Variants in HDAC9 observed in about 807,000 individuals in gnomAD.
HDAC9 encodes the protein MEF-2 interacting transcription repressor (MITR) protein.
Under a neutral mutation model 139.4 loss-of-function variants are expected in HDAC9, and 41 were observed. The ratio of observed to expected loss-of-function variants is 0.29; its 90% CI spans 0.23 to 0.38. HDAC9 has a LOEUF of 0.38. HDAC9 is among the 10% of genes least tolerant of loss of function. The pLI is 1.00. For missense variants in HDAC9, 1,147 were observed against 1,297.0 expected (o/e 0.88, Z 1.78); for synonymous variants, 517 against 476.2 (o/e 1.09, Z -1.12).
intron 2 of HDAC9, among the ~76,000 whole-genome samples, chr7:18,259,079 C>T (rs1198930037): frequency 6.7e-6 from 1 of 150,120 alleles, no homozygotes; most frequent in Non-Finnish European, 1.5e-5. Flanking sequence ...AAGCACTTCT[C>T]CTGCCTCAGC....
chr7:18,239,561 T>C (rs1196981962), intron 2 of HDAC9, among the ~76,000 whole-genome samples: 1 of 152,208 alleles, frequency 6.6e-6, no homozygotes, highest in Non-Finnish European at 1.5e-5. Context: ...ATCAGCGTCA[T>C]TGACAACTGC....
chr7:18,977,919 G>GACAGACACAC (rs1422767293), intron 25 of HDAC9, among the ~76,000 whole-genome samples: 23 of 141,034 alleles, frequency 1.6e-4, no homozygotes, highest in African/African-American at 5.9e-4. Context: ...CAGACAGACA[G>GACAGACACAC]ACACACACAC....
intron 1 of HDAC9, among the ~76,000 whole-genome samples, chr7:18,481,957 T>A (rs1795585699): frequency 6.6e-6 from 1 of 152,142 alleles, no homozygotes; most frequent in Non-Finnish European, 1.5e-5. Context: ...TAGCTGTGTC[T>A]GTAATGGCCT....
At chr7:18,934,855 C>T (rs1201772431) in intron 22 of HDAC9, among the ~76,000 whole-genome samples, 9 of 152,088 alleles carry the variant, frequency 5.9e-5, no homozygotes, top group African/African-American at 1.2e-4. Context: ...ATGTTCATGG[C>T]GACGTTATTT....
At chr7:18,521,473 C>T (rs1805010402) in intron 2 of HDAC9, among the ~76,000 whole-genome samples, 1 of 152,138 alleles carries the variant, frequency 6.6e-6, no homozygotes, top group African/African-American at 2.4e-5. Flanking sequence ...GTCCAGTCGT[C>T]CATCTATTTG....
At chr7:18,266,525 A>G (rs1253041478) in intron 2 of HDAC9, among the ~76,000 whole-genome samples, 1 of 152,168 alleles carries the variant, frequency 6.6e-6, no homozygotes, top group Non-Finnish European at 1.5e-5. Flanking sequence ...GGAAGGCTTT[A>G]TGTGCACGTC....
At chr7:18,677,657 A>G (rs973750341) in intron 12 of HDAC9, among the ~76,000 whole-genome samples, 17 of 151,932 alleles carry the variant, frequency 1.1e-4, no homozygotes, top group African/African-American at 4.1e-4. Context: ...GGTTTTTCTA[A>G]CTGTATGCAG....
chr7:18,133,959 T>C (rs1461727869), intron 1 of HDAC9, among the ~76,000 whole-genome samples: 3 of 133,698 alleles, frequency 2.2e-5, no homozygotes, highest in African/African-American at 1.0e-4. Context: ...CACACACACA[T>C]CTCTAGCCTT....
rs1005166368 is a variant in HDAC9, at chr7:18,143,471, A to G, written c.-96-18758A>G. Among the ~76,000 whole-genome samples the G allele has an allele frequency of 3.9e-5, 6 of 152,294 alleles. No homozygotes were observed. The East Asian group carries it at 9.7e-4, about 25-fold the overall frequency. On this transcript the variant is annotated intron_variant, in intron 1 of 12. Transcript: ENST00000417496. ...CCATGTCATGTTTTTAAGTATGTAA[A>G]TAAGATGAATTGCTGCTATGATCAA... is the stretch of plus-strand genomic sequence containing the variant.
At chr7:18,295,079 A>C (rs537301531) in intron 1 of HDAC9, among the ~76,000 whole-genome samples, 1 of 152,252 alleles carries the variant, frequency 6.6e-6, no homozygotes, top group East Asian at 1.9e-4. Flanking sequence ...AGTAGGCATA[A>C]GATGTCATGT....
At chr7:18,234,311 G>T (rs1438508338) in intron 2 of HDAC9, among the ~76,000 whole-genome samples, 1 of 152,162 alleles carries the variant, frequency 6.6e-6, no homozygotes, top group African/African-American at 2.4e-5. Context: ...ACAGTAAAAA[G>T]CAGTGACTGA....
chr7:18,857,946 T>C (rs753849672), intron 21 of HDAC9, among the ~76,000 whole-genome samples: 4 of 152,170 alleles, frequency 2.6e-5, no homozygotes, highest in Non-Finnish European at 4.4e-5. Flanking sequence ...AATATGAGGG[T>C]ACAGTACTGA....
chr7:18,538,177 C>G (rs1416145121), intron 2 of HDAC9, among the ~76,000 whole-genome samples: 2 of 152,206 alleles, frequency 1.3e-5, no homozygotes, highest in Non-Finnish European at 2.9e-5. Context: ...AACTTACATT[C>G]TCCCGTGGGG....
intron 2 of HDAC9, among the ~76,000 whole-genome samples, chr7:18,179,520 G>C (rs923053421): frequency 6.6e-6 from 1 of 151,718 alleles, no homozygotes; most frequent in African/African-American, 2.4e-5. Context: ...AATAAGCTTT[G>C]TTTTTTTTGC....
At chr7:18,776,877 TG>T (rs748211384) in intron 16 of HDAC9, among the ~76,000 whole-genome samples, 1 of 151,940 alleles carries the variant, frequency 6.6e-6, no homozygotes, top group Non-Finnish European at 1.5e-5. Context: ...GCTCAGAGTT[TG>T]GGGACCCCAT....
intron 21 of HDAC9, among the ~76,000 whole-genome samples, chr7:18,845,318 G>A (rs1796836933): frequency 6.6e-6 from 1 of 152,102 alleles, no homozygotes; most frequent in South Asian, 2.1e-4. Context: ...GTCTGGCACA[G>A]GTCTCTAAAC....
intron 1 of HDAC9, among the ~76,000 whole-genome samples, chr7:18,439,763 A>C (rs1045720530): frequency 6.6e-6 from 1 of 152,164 alleles, no homozygotes; most frequent in South Asian, 2.1e-4. Flanking sequence ...ATAAAACTTT[A>C]ATCTCTTTCT....
chr7:18,186,403 C>T (rs1789917113), intron 2 of HDAC9, among the ~76,000 whole-genome samples: 1 of 152,232 alleles, frequency 6.6e-6, no homozygotes, highest in Non-Finnish European at 1.5e-5. Flanking sequence ...TTGGCATGTG[C>T]CGCTGGCACC....
intron 1 of HDAC9, among the ~76,000 whole-genome samples, chr7:18,439,819 C>G (rs1028088132): frequency 1.3e-5 from 2 of 152,174 alleles, no homozygotes; most frequent in Non-Finnish European, 2.9e-5. Context: ...ATCTCTCTCT[C>G]TCTCTGAATG....
Sources: allele counts gnomAD v4.1 joint callset (sites outside exome capture counted in the v4.1 genomes callset), GRCh38; gene constraint gnomAD v4.1.1; transcripts MANE v1.5; gene names NCBI Gene and HGNC (gene_info 2026-07-23, HGNC 2026-07-21).